PTK2: variants seen among roughly 807,000 people sequenced by gnomAD.
PTK2 encodes the protein focal adhesion kinase 1.
A neutral mutation model predicts 150.1 loss-of-function variants in PTK2; 45 were observed. That is an observed-to-expected ratio of 0.30 (90% CI 0.24 to 0.38). PTK2 has a LOEUF of 0.38. PTK2 is among the 10% of genes least tolerant of loss of function. PTK2 has a pLI of 1.00. For missense variants in PTK2, 919 were observed against 1,307.3 expected (o/e 0.70, Z 4.58); for synonymous variants, 432 against 449.2 (o/e 0.96, Z 0.48).
At chr8:140,917,789 C>G (rs541799425) in intron 2 of PTK2, among the ~76,000 whole-genome samples, 1 of 152,126 alleles carries the variant, frequency 6.6e-6, no homozygotes, top group South Asian at 2.1e-4. Context: ...AGACAGAAAT[C>G]CAAAAAAGTA....
intron 1 of PTK2, among the ~76,000 whole-genome samples, chr8:140,973,672 C>G (rs979826885): frequency 6.6e-6 from 1 of 152,174 alleles, no homozygotes; most frequent in African/African-American, 2.4e-5. Flanking sequence ...TAAGTTATTT[C>G]TGCTATCTGA....
intron 4 of PTK2, among the ~76,000 whole-genome samples, chr8:140,868,574 A>T (rs2100140733): frequency 6.6e-6 from 1 of 152,170 alleles, no homozygotes. Context: ...TAACCAAATG[A>T]TCCAAGTTAG....
intron 14 of PTK2, among the ~76,000 whole-genome samples, chr8:140,782,559 A>G (rs2100082433): frequency 6.6e-6 from 1 of 151,842 alleles, no homozygotes; most frequent in African/African-American, 2.4e-5. Flanking sequence ...TTACTTTTTA[A>G]TTTTTTCAGT....
chr8:140,985,951 A>T (rs1414385686), intron 1 of PTK2, among the ~76,000 whole-genome samples: 1 of 152,244 alleles, frequency 6.6e-6, no homozygotes, highest in Non-Finnish European at 1.5e-5. Flanking sequence ...AAAGGAACTC[A>T]ATCATCTGTC....
intron 27 of PTK2, among the ~76,000 whole-genome samples, chr8:140,684,822 A>T (rs530125831): frequency 6.6e-6 from 1 of 152,224 alleles, no homozygotes; most frequent in Non-Finnish European, 1.5e-5. Flanking sequence ...CATACCGCCC[A>T]AAGCTTTACA....
intron 10 of PTK2, among the ~76,000 whole-genome samples, chr8:140,811,138 G>A (rs1566847358): frequency 6.6e-6 from 1 of 152,220 alleles, no homozygotes; most frequent in East Asian, 1.9e-4. Context: ...TGCTTTGGCT[G>A]ACACCACCCA....
Position 140,903,929 on chromosome 8 carries a change from T to C in PTK2, c.-32-13160A>G, listed in dbSNP as rs1163373795. ...ATGGGGTTTTCTAAATATACAATCATGTCATCCACAAACAGAGACAATTTT... is the reference window on the plus strand; with the variant it reads ...ATGGGGTTTTCTAAATATACAATCACGTCATCCACAAACAGAGACAATTTT... On this transcript the variant is annotated intron_variant, in intron 2 of 31. Coordinates refer to ENST00000522684, the Ensembl canonical transcript of PTK2. Among the ~76,000 whole-genome samples the C allele has an allele frequency of 3.9e-5, 6 of 152,212 alleles. No homozygotes were observed. The South Asian group carries it at 6.2e-4, about 16-fold the overall frequency.
chr8:140,985,043 A>G (rs546353268), intron 1 of PTK2, among the ~76,000 whole-genome samples: 3 of 152,354 alleles, frequency 2.0e-5, no homozygotes, highest in Non-Finnish European at 2.9e-5. Context: ...ACACAACTGT[A>G]ATAACATTAT....
At chr8:140,818,836 G>A in intron 9 of PTK2, 44 bp downstream of exon 9, 1 of 1,582,474 alleles carries the variant, frequency 6.3e-7, no homozygotes, top group Non-Finnish European at 8.6e-7. Context: ...ACAAGAAAAA[G>A]TAAAATCAAA....
intron 14 of PTK2, among the ~76,000 whole-genome samples, chr8:140,776,545 A>C (rs186634380): frequency 6.6e-6 from 1 of 152,362 alleles, no homozygotes; most frequent in East Asian, 1.9e-4. Flanking sequence ...AATAGATTGG[A>C]TATGGGAGAA....
chr8:140,753,854 T>C (rs1444351941), intron 16 of PTK2, among the ~76,000 whole-genome samples: 1 of 152,256 alleles, frequency 6.6e-6, no homozygotes, highest in Non-Finnish European at 1.5e-5. Context: ...CACTGATGCA[T>C]ACTATATGCT....
At chr8:140,766,437 C>A (rs1429713706) in intron 14 of PTK2, among the ~76,000 whole-genome samples, 1 of 152,164 alleles carries the variant, frequency 6.6e-6, no homozygotes, top group Non-Finnish European at 1.5e-5. Flanking sequence ...CTAATTTGCC[C>A]CCATCCCACT....
At chr8:140,822,773 G>C (rs2154602213) in intron 8 of PTK2, among the ~76,000 whole-genome samples, 1 of 152,288 alleles carries the variant, frequency 6.6e-6, no homozygotes, top group East Asian at 1.9e-4. Context: ...AAAGAGTATA[G>C]CCCGCAGCTG....
intron 26 of PTK2, among the ~76,000 whole-genome samples, chr8:140,698,496 C>CA (rs1208624635): frequency 6.6e-6 from 1 of 152,180 alleles, no homozygotes; most frequent in Non-Finnish European, 1.5e-5. Flanking sequence ...CTCTGTCACC[C>CA]AGGCTGGAGT....
intron 1 of PTK2, among the ~76,000 whole-genome samples, chr8:140,948,112 C>T (rs2154609024): frequency 6.6e-6 from 1 of 152,214 alleles, no homozygotes; most frequent in Admixed American, 6.5e-5. Context: ...TATACACTTA[C>T]AGACAATAAA....
intron 27 of PTK2, among the ~76,000 whole-genome samples, chr8:140,678,193 C>T (rs903375709): frequency 6.6e-6 from 1 of 151,668 alleles, no homozygotes; most frequent in Non-Finnish European, 1.5e-5. Context: ...ATTACAAACG[C>T]CCGCCACGAT....
At chr8:140,858,683 G>A (rs895680100) in intron 5 of PTK2, among the ~76,000 whole-genome samples, 3 of 151,760 alleles carry the variant, frequency 2.0e-5, no homozygotes, top group African/African-American at 7.3e-5. Context: ...TTTCAAGCAG[G>A]AGAAAAAAAG....
At chr8:140,736,234 A>T (rs2100052522) in intron 21 of PTK2, among the ~76,000 whole-genome samples, 1 of 152,270 alleles carries the variant, frequency 6.6e-6, no homozygotes, top group Admixed American at 6.5e-5. Flanking sequence ...CGTGGAAACA[A>T]CTGAAAGCCA....
chr8:140,946,751 T>C lies in PTK2; in HGVS notation c.-121-21002A>G, dbSNP rs573579771. On this transcript the variant is annotated intron_variant, in intron 1 of 31. Coordinates refer to ENST00000522684, the Ensembl canonical transcript of PTK2. The stretch of plus-strand genomic sequence containing the variant: ...TCCCACGTCCCACCTTCCAGTACAT[T>C]ACATAATGTACTCATTTGCTTATTA... Among the ~76,000 whole-genome samples the C allele has an allele frequency of 2.0e-5, 3 of 152,292 alleles. No individual in the cohort carries two copies. In the East Asian group the frequency reaches 5.8e-4, roughly 29 times the overall value.
Sources: gnomAD v4.1 joint callset for allele counts (sites outside exome capture counted in the v4.1 genomes callset) on GRCh38, gnomAD v4.1.1 for gene constraint, MANE v1.5 for transcripts, NCBI Gene and HGNC (gene_info 2026-07-23, HGNC 2026-07-21) for gene names.